Variants in GRID2 observed in about 807,000 individuals in gnomAD.
The protein encoded by GRID2 is glutamate ionotropic receptor delta type subunit 2, also known as glutamate receptor ionotropic, delta-2.
GRID2 carries 33 observed loss-of-function variants against 114.8 expected under a neutral mutation model. The ratio of observed to expected loss-of-function variants is 0.29; its 90% CI spans 0.22 to 0.38. GRID2 has a LOEUF of 0.38. GRID2 is among the 10% of genes least tolerant of loss of function. The pLI is 1.00. For synonymous variants in GRID2, 505 were observed against 449.9 expected, an observed-to-expected ratio of 1.12 and a Z score of -1.55; for missense variants, 1,184 against 1,257.7, an observed-to-expected ratio of 0.94 and a Z score of 0.89.
chr4:93,771,243 C>A (rs72875978), intron 15 of GRID2, among the ~76,000 whole-genome samples: 3,909 of 152,192 alleles, frequency 0.026, 161 homozygotes, highest in African/African-American at 0.089. Context: ...AGGAACTTAT[C>A]AATGGGTTTC....
intron 2 of GRID2, among the ~76,000 whole-genome samples, chr4:93,034,920 A>G (rs1257271105): frequency 6.6e-6 from 1 of 152,176 alleles, no homozygotes; most frequent in Non-Finnish European, 1.5e-5. Context: ...CTTGGACAGT[A>G]TACATTCTTT....
At chr4:93,068,023 A>G (rs1169498456) in intron 2 of GRID2, among the ~76,000 whole-genome samples, 2 of 152,014 alleles carry the variant, frequency 1.3e-5, no homozygotes, top group Non-Finnish European at 2.9e-5. Context: ...ACCTGGTATT[A>G]CCTTTTCTTT....
At chr4:92,328,469 G>C (rs1290102249) in intron 1 of GRID2, among the ~76,000 whole-genome samples, 1 of 151,992 alleles carries the variant, frequency 6.6e-6, no homozygotes, top group East Asian at 1.9e-4. Context: ...GTTATATGTG[G>C]TTATACTCCT....
chr4:93,313,360 A>G (rs930811051), intron 8 of GRID2, among the ~76,000 whole-genome samples: 5 of 152,188 alleles, frequency 3.3e-5, no homozygotes, highest in African/African-American at 1.2e-4. Context: ...AACAATCACC[A>G]TTCCCTCTTC....
chr4:92,369,844 G>C (rs1288294123), intron 1 of GRID2, among the ~76,000 whole-genome samples: 1 of 152,094 alleles, frequency 6.6e-6, no homozygotes, highest in Non-Finnish European at 1.5e-5. Flanking sequence ...ATATTTACCA[G>C]TTAAAAAACC....
At chr4:92,861,528 G>C (rs1415054083) in intron 2 of GRID2, among the ~76,000 whole-genome samples, 1 of 151,996 alleles carries the variant, frequency 6.6e-6, no homozygotes, top group Non-Finnish European at 1.5e-5. Flanking sequence ...AGCTGTCACA[G>C]TACCTACTAT....
chr4:92,305,622 G>C (rs954348079), intron 1 of GRID2, among the ~76,000 whole-genome samples: 2 of 152,144 alleles, frequency 1.3e-5, no homozygotes, highest in Non-Finnish European at 2.9e-5. Flanking sequence ...GAGAAGGACT[G>C]CCGAGCGGGC....
intron 13 of GRID2, among the ~76,000 whole-genome samples, chr4:93,599,658 T>A (rs1334002980): frequency 6.6e-6 from 1 of 152,166 alleles, no homozygotes; most frequent in Non-Finnish European, 1.5e-5. Context: ...CTTAGTATCT[T>A]ATACCAAACT....
At chr4:92,431,897 G>T in intron 1 of GRID2, among the ~76,000 whole-genome samples, 1 of 152,216 alleles carries the variant, frequency 6.6e-6, no homozygotes, top group Admixed American at 6.5e-5. Context: ...TAGTCAAATA[G>T]AATTGCATGT....
At chr4:92,780,001 G>A (rs767530469) in intron 2 of GRID2, among the ~76,000 whole-genome samples, 2 of 152,034 alleles carry the variant, frequency 1.3e-5, no homozygotes, top group Non-Finnish European at 2.9e-5. Flanking sequence ...CCTCAAGAAA[G>A]TTAATAGAGA....
At chr4:92,959,874 A>G (rs892067250) in intron 2 of GRID2, among the ~76,000 whole-genome samples, 4 of 152,000 alleles carry the variant, frequency 2.6e-5, no homozygotes, top group Non-Finnish European at 5.9e-5. Flanking sequence ...TAGCTAGGGT[A>G]GAGATAGCAT....
chr4:92,754,865 T>G (rs964997043), intron 2 of GRID2, among the ~76,000 whole-genome samples: 2 of 152,252 alleles, frequency 1.3e-5, no homozygotes, highest in Non-Finnish European at 2.9e-5. Context: ...TTTACTGCTA[T>G]GTATATTTTA....
chr4:92,367,417 G>T (rs1258845776), intron 1 of GRID2, among the ~76,000 whole-genome samples: 9 of 152,124 alleles, frequency 5.9e-5, no homozygotes, highest in African/African-American at 2.2e-4. Flanking sequence ...GAGAGTAGTA[G>T]GAAAAGTGGT....
At chr4:93,451,528 G>T (rs1481656804) in intron 10 of GRID2, among the ~76,000 whole-genome samples, 1 of 152,048 alleles carries the variant, frequency 6.6e-6, no homozygotes, top group East Asian at 1.9e-4. Context: ...CTACGTAAAG[G>T]TGTGTAGACC....
chr4:93,414,123 T>C (rs564357182), intron 9 of GRID2, among the ~76,000 whole-genome samples: 1 of 152,298 alleles, frequency 6.6e-6, no homozygotes, highest in East Asian at 1.9e-4. Context: ...ACATCCAATA[T>C]ATCAACAAAT....
intron 13 of GRID2, among the ~76,000 whole-genome samples, chr4:93,562,934 A>G (rs1039166155): frequency 5.9e-5 from 9 of 152,000 alleles, no homozygotes; most frequent in African/African-American, 1.9e-4. Flanking sequence ...AGATTGCTGT[A>G]GCTTTATGGT....
Position 93,024,722 on chromosome 4 carries a change from C to T in GRID2, c.245-60273C>T, listed in dbSNP as rs1723723223. Reference sequence around the variant, plus strand: ...ATATTGTTGTATGTAAACTAAATGTCAATTTTAAAAAGTACTTAGGTAGTA... The same window carrying T: ...ATATTGTTGTATGTAAACTAAATGTTAATTTTAAAAAGTACTTAGGTAGTA... On this transcript the variant is annotated intron_variant, in intron 2 of 15. Coordinates refer to ENST00000282020, the MANE Select transcript of GRID2 (RefSeq NM_001510.4). Among the ~76,000 whole-genome samples the T allele has an allele frequency of 2.6e-5, 4 of 151,700 alleles. No individual in the cohort carries two copies. The South Asian group carries it at 8.3e-4, about 31-fold the overall frequency.
chr4:92,530,506 C>CCGAA (rs1725284739), intron 1 of GRID2, among the ~76,000 whole-genome samples: 1 of 45,822 alleles, frequency 2.2e-5, no homozygotes, highest in African/African-American at 1.1e-4. Context: ...GTGACTAGTA[C>CCGAA]AGAAAAAAAA....
At chr4:93,569,575 G>T (rs1004919169) in intron 13 of GRID2, among the ~76,000 whole-genome samples, 8 of 152,154 alleles carry the variant, frequency 5.3e-5, no homozygotes, top group African/African-American at 1.7e-4. Context: ...TCACTTTTAT[G>T]CTTCAAATAT....
Sources: gnomAD v4.1 joint callset for allele counts (sites outside exome capture counted in the v4.1 genomes callset) on GRCh38, gnomAD v4.1.1 for gene constraint, MANE v1.5 for transcripts, NCBI Gene and HGNC (gene_info 2026-07-23, HGNC 2026-07-21) for gene names.